The following NARF variants were observed in gnomAD, a reference collection of about 807,000 sequenced individuals.
NARF encodes iron-only hydrogenase-like protein 2.
A neutral mutation model predicts 48.0 loss-of-function variants in NARF; 41 were observed. The ratio of observed to expected loss-of-function variants is 0.85; its 90% CI spans 0.66 to 1.11. The LOEUF (loss-of-function observed/expected upper bound fraction) is 1.11. Ranked by LOEUF, NARF falls within the 50% of genes least tolerant of loss-of-function variation. NARF has a pLI of 0.00. For synonymous variants in NARF, 215 were observed against 225.5 expected, an observed-to-expected ratio of 0.95 and a Z score of 0.42; for missense variants, 613 against 590.2, an observed-to-expected ratio of 1.04 and a Z score of -0.40.
chr17:82,485,249 A>C (rs184254345), intron 9 of NARF, among the ~76,000 whole-genome samples: 5 of 152,030 alleles, frequency 3.3e-5, no homozygotes, highest in Admixed American at 2.6e-4. Flanking sequence ...GTGAAACCCT[A>C]TCTCTACTAA....
chr17:82,471,152 T>A (rs7222092), intron 4 of NARF, among the ~76,000 whole-genome samples: 148,041 of 149,626 alleles, frequency 0.99, 73,240 homozygotes, highest in Middle Eastern at 1. Flanking sequence ...TGACAGAGCA[T>A]GACTGTCTGA....
At chr17:82,469,037 C>T in intron 4 of NARF, 141 bp downstream of exon 4, 2 of 929,680 alleles carry the variant, frequency 2.2e-6, no homozygotes, top group South Asian at 1.7e-5. Context: ...AAGACCATGT[C>T]CCGTGTGTCA....
Position 82,460,031 on chromosome 17 carries a change from G to A in NARF, c.67G>A (p.Val23Met), listed in dbSNP as rs565115638. The A allele has an allele frequency of 4.3e-6, 7 of 1,613,998 alleles. No individual in the cohort carries two copies. The highest frequency in any genetic ancestry group is 1.7e-5 in the Admixed American group (1 of 60,006). The change falls in exon 2 of 11, where the codon GTG becomes ATG. Residue 23 changes from valine to methionine, a missense_variant. Physicochemically the swap from Val to Met is conservative, Grantham distance 21. Coordinates refer to ENST00000309794, the MANE Select transcript of NARF (RefSeq NM_012336.4). ...AACAAAAACTGATGACCAAGAGAAT[G>A]TGTCAGCCGATGCACCGAGTCCAGC... ...KKTKTDDQEN[V>M]SADAPSPAQE...
rs555161821 is a variant in NARF at position 82,474,230 on chromosome 17, A to C, written c.520+1532A>C. ...AAGTACAACATATCTCAGATGTACA[A>C]ATAATTATGGAATAATATGGCAAAC... On this transcript the variant is annotated intron_variant, in intron 5 of 10. Coordinates refer to ENST00000309794, the MANE Select transcript of NARF (RefSeq NM_012336.4). 2.0e-5 allele frequency among the ~76,000 whole-genome samples: 3 copies of C among 152,328 alleles called. No homozygotes were observed. The South Asian group carries it at 6.2e-4, about 32-fold the overall frequency.
intron 6 of NARF, chr17:82,480,797 C>T (rs1448052700): frequency 1.6e-5 from 8 of 500,910 alleles, no homozygotes; most frequent in South Asian, 5.6e-5. Flanking sequence ...CCAGGCGTGG[C>T]GGCATGCGCC....
intron 4 of NARF, among the ~76,000 whole-genome samples, chr17:82,469,240 AG>A (rs146113452): frequency 1.4e-4 from 22 of 152,338 alleles, no homozygotes; most frequent in Admixed American, 5.9e-4. Context: ...TTACCCCCAG[AG>A]GGTGTGCATT....
intron 5 of NARF, chr17:82,478,001 C>T (rs1310461319): frequency 6.6e-6 from 1 of 152,578 alleles, no homozygotes; most frequent in African/African-American, 2.4e-5. Context: ...GGTATCTACC[C>T]AGCCCCTGTT....
intron 6 of NARF, chr17:82,480,287 GCGCA>G (rs992471472): frequency 1.6e-4 from 60 of 374,884 alleles, no homozygotes; most frequent in East Asian, 7.3e-4. Flanking sequence ...TAGCCAGCGC[GCGCA>G]CACACACACA....
chr17:82,481,333 C>A, intron 7 of NARF, 122 bp downstream of exon 7: 1 of 1,434,404 alleles, frequency 7.0e-7, no homozygotes, highest in Non-Finnish European at 9.4e-7. Context: ...GGTCGCTTGT[C>A]TGAAGTTACT....
intron 4 of NARF, among the ~76,000 whole-genome samples, chr17:82,470,257 C>T (rs1367007983): frequency 6.6e-6 from 1 of 152,084 alleles, no homozygotes; most frequent in African/African-American, 2.4e-5. Flanking sequence ...CAGCTGAAAC[C>T]CAGCTACAGC....
chr17:82,487,780 CTCCCGCCCA>C, intron 10 of NARF, 127 bp from the exon 11 acceptor site: 1 of 594,884 alleles, frequency 1.7e-6, no homozygotes, highest in Non-Finnish European at 2.9e-6. Flanking sequence ...ACACCCGCCC[CTCCCGCCCA>C]ATCTCTACAA....
intron 3 of NARF, among the ~76,000 whole-genome samples, chr17:82,466,048 C>G (rs1385745997): frequency 1.3e-5 from 2 of 152,232 alleles, no homozygotes; most frequent in Non-Finnish European, 2.9e-5. Context: ...CATGCATACC[C>G]GTCCCCACCT....
chr17:82,467,045 C>T (rs1338993110), intron 3 of NARF, among the ~76,000 whole-genome samples: 1 of 149,750 alleles, frequency 6.7e-6, no homozygotes, highest in African/African-American at 2.5e-5. Flanking sequence ...TACTGCGTGT[C>T]TATTTCTTGA....
chr17:82,465,066 TCAGGGAACAAC>T (rs1235940754), intron 3 of NARF, among the ~76,000 whole-genome samples: 1 of 152,172 alleles, frequency 6.6e-6, no homozygotes, highest in Non-Finnish European at 1.5e-5. Flanking sequence ...TGGGGAGGCC[TCAGGGAACAAC>T]CATGGCGGAA....
chr17:82,472,220 C>T (rs552713791), intron 4 of NARF, among the ~76,000 whole-genome samples: 1 of 152,252 alleles, frequency 6.6e-6, no homozygotes, highest in African/African-American at 2.4e-5. Flanking sequence ...CAGTGGTTCA[C>T]GCCTGTAATT....
chr17:82,473,195 G>A (rs1193490714), intron 5 of NARF, among the ~76,000 whole-genome samples: 1 of 151,034 alleles, frequency 6.6e-6, no homozygotes, highest in Non-Finnish European at 1.5e-5. Context: ...CCTGCCTCGG[G>A]CTCCCAAAGT....
intron 1 of NARF, chr17:82,459,149 A>G: frequency 8.7e-7 from 1 of 1,145,208 alleles, no homozygotes; most frequent in Non-Finnish European, 1.1e-6. Flanking sequence ...GGCGGGAATG[A>G]TCAGAAGCGT....
At chr17:82,473,009 C>T (rs986444716) in intron 5 of NARF, among the ~76,000 whole-genome samples, 5 of 151,920 alleles carry the variant, frequency 3.3e-5, no homozygotes, top group Admixed American at 1.3e-4. Context: ...GGCACGATCT[C>T]GGCTCACTGC....
chr17:82,479,855 A>G (rs1345765355), intron 6 of NARF: 1 of 152,316 alleles, frequency 6.6e-6, no homozygotes, highest in Non-Finnish European at 1.5e-5. Context: ...ATACACGTTC[A>G]GTTTAGGCAG....
Sources: gnomAD v4.1 joint callset for allele counts (sites outside exome capture counted in the v4.1 genomes callset) on GRCh38, gnomAD v4.1.1 for gene constraint, MANE v1.5 for transcripts, NCBI Gene and HGNC (gene_info 2026-07-23, HGNC 2026-07-21) for gene names.